Variants in CIB4 observed in about 807,000 individuals in gnomAD.
The protein encoded by CIB4 is calcium and integrin binding family member 4.
CIB4 carries 25 observed loss-of-function variants against 25.8 expected under a neutral mutation model. That is an observed-to-expected ratio of 0.97 (90% CI 0.71 to 1.35). The LOEUF (loss-of-function observed/expected upper bound fraction) is 1.35, where lower values mean the gene tolerates loss of function less well. CIB4 is among the 40% of genes most tolerant of loss of function. The pLI, the probability that CIB4 is intolerant of heterozygous loss-of-function variation, is 0.00. For synonymous variants in CIB4, 75 were observed against 81.4 expected (o/e 0.92, Z 0.42); for missense variants, 235 against 228.2 (o/e 1.03, Z -0.19).
chr2:26,603,631 A>G (rs1037294305), intron 3 of CIB4, among the ~76,000 whole-genome samples: 1 of 152,234 alleles, frequency 6.6e-6, no homozygotes, highest in Non-Finnish European at 1.5e-5. Flanking sequence ...CAAAATTTAC[A>G]GTGTTTAGCA....
intron 2 of CIB4, among the ~76,000 whole-genome samples, chr2:26,639,114 C>A (rs564231227): frequency 1.3e-5 from 2 of 151,692 alleles, no homozygotes; most frequent in African/African-American, 4.8e-5. Flanking sequence ...TGAGCAGAGG[C>A]GGCCTTGAGG....
chr2:26,630,500 G>A (rs1005439426), intron 2 of CIB4, among the ~76,000 whole-genome samples: 9 of 152,182 alleles, frequency 5.9e-5, no homozygotes, highest in Non-Finnish European at 7.3e-5. Flanking sequence ...GGGCTGTGGC[G>A]GGGGTTCAGT....
intron 3 of CIB4, among the ~76,000 whole-genome samples, chr2:26,616,898 C>A (rs1669103341): frequency 6.6e-6 from 1 of 152,068 alleles, no homozygotes; most frequent in South Asian, 2.1e-4. Context: ...AAGGGCAGGG[C>A]CTCTTCATAA....
At chr2:26,626,573 G>A (rs1669310142) in intron 3 of CIB4, among the ~76,000 whole-genome samples, 1 of 152,004 alleles carries the variant, frequency 6.6e-6, no homozygotes, top group South Asian at 2.1e-4. Context: ...TTTCTACAAT[G>A]AGCTGGCTCT....
At chr2:26,596,661 C>T (rs1232670547) in intron 3 of CIB4, among the ~76,000 whole-genome samples, 1 of 151,512 alleles carries the variant, frequency 6.6e-6, no homozygotes, top group Non-Finnish European at 1.5e-5. Context: ...GCAGGAGAAT[C>T]GCTTGAACCT....
intron 3 of CIB4, among the ~76,000 whole-genome samples, chr2:26,608,737 G>A (rs537943436): frequency 6.6e-6 from 1 of 152,194 alleles, no homozygotes; most frequent in African/African-American, 2.4e-5. Flanking sequence ...CCACCAACCT[G>A]GAAACAGTGG....
At chr2:26,621,343 C>G (rs1669202034) in intron 3 of CIB4, among the ~76,000 whole-genome samples, 1 of 149,620 alleles carries the variant, frequency 6.7e-6, no homozygotes, top group Non-Finnish European at 1.5e-5. Flanking sequence ...AGCTAAAATG[C>G]AATTAAGTGA....
chr2:26,639,730 C>T (rs1669600338), intron 2 of CIB4, among the ~76,000 whole-genome samples: 1 of 152,212 alleles, frequency 6.6e-6, no homozygotes, highest in South Asian at 2.1e-4. Flanking sequence ...AAAGTTGTTA[C>T]CTGCCACCAC....
chr2:26,589,048 TTCTTCTTCTTCC>T (rs1558554759), intron 4 of CIB4, among the ~76,000 whole-genome samples: 47 of 48,982 alleles, frequency 9.6e-4, no homozygotes, highest in African/African-American at 1.4e-3. Flanking sequence ...CTTCTTCTTC[TTCTTCTTCTTCC>T]TCTTCCTCTT....
intron 3 of CIB4, among the ~76,000 whole-genome samples, chr2:26,619,438 G>A (rs1272505793): frequency 6.6e-6 from 1 of 152,162 alleles, no homozygotes; most frequent in Non-Finnish European, 1.5e-5. Flanking sequence ...TTCTACGAGG[G>A]CAACGATGAG....
At chr2:26,626,278 C>CTA (rs1417329741) in intron 3 of CIB4, among the ~76,000 whole-genome samples, 1 of 151,946 alleles carries the variant, frequency 6.6e-6, no homozygotes, top group Non-Finnish European at 1.5e-5. Flanking sequence ...GCCTGGTGCC[C>CTA]TATCCCTAGT....
intron 3 of CIB4, among the ~76,000 whole-genome samples, chr2:26,608,857 G>A (rs530084887): frequency 6.6e-6 from 1 of 151,872 alleles, no homozygotes; most frequent in Non-Finnish European, 1.5e-5. Context: ...CCCCCACCCC[G>A]GGGCCCACCC....
intron 2 of CIB4, among the ~76,000 whole-genome samples, chr2:26,630,096 T>C (rs1386235022): frequency 6.6e-6 from 1 of 152,224 alleles, no homozygotes; most frequent in African/African-American, 2.4e-5. Flanking sequence ...ATCATCCCTG[T>C]CAGCGATGTC....
At chr2:26,640,689 A>T in intron 1 of CIB4, 122 bp from the exon 2 acceptor site, 3 of 1,050,912 alleles carry the variant, frequency 2.9e-6, no homozygotes, top group Non-Finnish European at 4.2e-6. Flanking sequence ...CAGCTGGGGG[A>T]ACCCCAGGTT....
chr2:26,630,674 A>G (rs1431559176), intron 2 of CIB4, among the ~76,000 whole-genome samples: 1 of 152,084 alleles, frequency 6.6e-6, no homozygotes, highest in Admixed American at 6.5e-5. Context: ...CAAGGTTCTG[A>G]ATCCACCTGA....
intron 4 of CIB4, among the ~76,000 whole-genome samples, chr2:26,586,586 C>G (rs1046305900): frequency 6.6e-6 from 1 of 152,158 alleles, no homozygotes; most frequent in Admixed American, 6.5e-5. Context: ...CAGAACAATG[C>G]CTGGGACAGA....
At chr2:26,592,418 A>T (rs12473099) in intron 4 of CIB4, among the ~76,000 whole-genome samples, 1,622 of 152,348 alleles carry the variant, frequency 0.011, 52 homozygotes, top group Admixed American at 0.043. Flanking sequence ...GGTGGGGCCC[A>T]TGAAGCCAAC....
chr2:26,615,483 C>T (rs2148213560), intron 3 of CIB4, among the ~76,000 whole-genome samples: 1 of 152,314 alleles, frequency 6.6e-6, no homozygotes, highest in South Asian at 2.1e-4. Context: ...CCATGCCCCG[C>T]CCTTTGGTCC....
In CIB4 at chr2:26,619,480, C is replaced by T. The variant is rs1180521103; in HGVS notation, c.186+9930G>A. 3.9e-5 allele frequency among the ~76,000 whole-genome samples: 6 copies of T among 152,260 alleles called. 1 individual carries two copies. The South Asian group carries it at 6.2e-4, about 16-fold the overall frequency. On this transcript the variant is annotated intron_variant, in intron 3 of 6. Coordinates refer to ENST00000288861, the MANE Select transcript of CIB4 (RefSeq NM_001029881.3). ...ATTTCTGTAATGTTTTACTGCACAT[C>T]GGAAAGGCAGGTGTGATTCCTGGGT...
Sources: allele counts gnomAD v4.1 joint callset (sites outside exome capture counted in the v4.1 genomes callset), GRCh38; gene constraint gnomAD v4.1.1; transcripts MANE v1.5; gene names NCBI Gene and HGNC (gene_info 2026-07-23, HGNC 2026-07-21).